Variants in MAN1A1 observed in about 807,000 individuals in gnomAD.
MAN1A1 encodes mannosyl-oligosaccharide 1,2-alpha-mannosidase IA.
In MAN1A1, 29 loss-of-function variants were observed where a neutral mutation model predicts 70.8. That is an observed-to-expected ratio of 0.41 (90% CI 0.31 to 0.56). The LOEUF is 0.56. Among genes scored for constraint, MAN1A1 ranks in the 20% least tolerant of loss-of-function variants. The probability of loss-of-function intolerance (pLI) is 0.29; values close to 1 mark genes in which losing one functional copy is unlikely to be tolerated. For synonymous variants in MAN1A1, 349 were observed against 330.1 expected (o/e 1.06, Z -0.62); for missense variants, 747 against 841.3 (o/e 0.89, Z 1.39).
chr6:119,221,326 A>AT (rs1774353464), intron 6 of MAN1A1, among the ~76,000 whole-genome samples: 1 of 152,144 alleles, frequency 6.6e-6, no homozygotes. Context: ...AACCACTGTT[A>AT]CTTGTTTCTT....
At chr6:119,303,934 T>G (rs1358364247) in intron 3 of MAN1A1, among the ~76,000 whole-genome samples, 2 of 152,216 alleles carry the variant, frequency 1.3e-5, no homozygotes, top group African/African-American at 2.4e-5. Flanking sequence ...TCATTTTCCT[T>G]TCACTGAACT....
At chr6:119,313,935 T>TAA (rs371581760) in intron 2 of MAN1A1, among the ~76,000 whole-genome samples, 1 of 133,856 alleles carries the variant, frequency 7.5e-6, no homozygotes, top group African/African-American at 2.8e-5. Context: ...TAAAGCTATT[T>TAA]AAAAAAAAAA....
At chr6:119,288,537 C>T (rs1327053531) in intron 5 of MAN1A1, among the ~76,000 whole-genome samples, 1 of 151,912 alleles carries the variant, frequency 6.6e-6, no homozygotes, top group Non-Finnish European at 1.5e-5. Flanking sequence ...GATCACATTC[C>T]TAATGGCCAA....
chr6:119,277,267 C>T (rs1054305872), intron 5 of MAN1A1, among the ~76,000 whole-genome samples: 2 of 151,898 alleles, frequency 1.3e-5, no homozygotes, highest in Non-Finnish European at 2.9e-5. Context: ...GAAGTGACTT[C>T]GTTATTATTA....
In MAN1A1 at chr6:119,248,247, T is replaced by C; in HGVS notation, c.992+13A>G. On this transcript the variant is annotated intron_variant, in intron 6 of 12. Transcript: ENST00000368468. ...TCACCTTAAAACATGTTGTTGAAAA[T>C]GAAGAGTTTTACCTTTTCATATTCA... The C allele has an allele frequency of 4.5e-6, 7 of 1,540,582 alleles. No individual in the cohort carries two copies. Among genetic ancestry groups the C allele is most frequent in the Non-Finnish European group, 5.4e-6 (6 of 1,114,734 alleles).
At chr6:119,263,280 G>A (rs1398663113) in intron 5 of MAN1A1, among the ~76,000 whole-genome samples, 1 of 151,732 alleles carries the variant, frequency 6.6e-6, no homozygotes, top group African/African-American at 2.4e-5. Context: ...ATACTTACAG[G>A]ATATATGTAG....
chr6:119,241,948 ATGTGTGTG>A (rs879398838), intron 6 of MAN1A1, among the ~76,000 whole-genome samples: 1 of 26,328 alleles, frequency 3.8e-5, no homozygotes, highest in Non-Finnish European at 1.4e-4. Flanking sequence ...GTGTGTATGT[ATGTGTGTG>A]TGTGTGTGTG....
At chr6:119,287,045 A>G (rs1265837166) in intron 5 of MAN1A1, among the ~76,000 whole-genome samples, 1 of 152,114 alleles carries the variant, frequency 6.6e-6, no homozygotes, top group African/African-American at 2.4e-5. Flanking sequence ...AACTTTGAGG[A>G]AGACTTCTAG....
chr6:119,235,405 A>C (rs1774814300), intron 6 of MAN1A1, among the ~76,000 whole-genome samples: 2 of 152,216 alleles, frequency 1.3e-5, no homozygotes, highest in Admixed American at 6.5e-5. Context: ...TGGACAGAAG[A>C]TCACACCAAC....
At chr6:119,181,204 T>C (rs538275443) in intron 11 of MAN1A1, among the ~76,000 whole-genome samples, 5 of 152,280 alleles carry the variant, frequency 3.3e-5, no homozygotes, top group South Asian at 4.1e-4. Context: ...AAGCCTGATA[T>C]TGTCTGGCCC....
At chr6:119,259,530 T>C (rs1775550119) in intron 5 of MAN1A1, among the ~76,000 whole-genome samples, 1 of 152,244 alleles carries the variant, frequency 6.6e-6, no homozygotes, top group Non-Finnish European at 1.5e-5. Flanking sequence ...AGTACACACC[T>C]AATACCATTA....
chr6:119,262,644 G>T (rs2114356552), intron 5 of MAN1A1, among the ~76,000 whole-genome samples: 1 of 152,218 alleles, frequency 6.6e-6, no homozygotes, highest in South Asian at 2.1e-4. Flanking sequence ...ATACCCAAAG[G>T]AATATAAATT....
intron 5 of MAN1A1, among the ~76,000 whole-genome samples, chr6:119,285,568 A>G (rs1776347000): frequency 6.6e-6 from 1 of 150,930 alleles, no homozygotes; most frequent in African/African-American, 2.4e-5. Flanking sequence ...GGATTAACAT[A>G]TATTTTTATT....
chr6:119,339,804 T>C (rs528997053), intron 2 of MAN1A1, among the ~76,000 whole-genome samples: 1 of 152,294 alleles, frequency 6.6e-6, no homozygotes, highest in African/African-American at 2.4e-5. Flanking sequence ...TAAGAATCAA[T>C]AAATGGACAC....
intron 4 of MAN1A1, among the ~76,000 whole-genome samples, chr6:119,297,164 G>C (rs927957175): frequency 2.0e-5 from 3 of 152,140 alleles, no homozygotes; most frequent in Non-Finnish European, 2.9e-5. Context: ...TTATGCAACT[G>C]ATCTTCCTGT....
chr6:119,194,180 C>T (rs1582684743), intron 8 of MAN1A1, among the ~76,000 whole-genome samples: 2 of 152,118 alleles, frequency 1.3e-5, no homozygotes, highest in Admixed American at 6.5e-5. Flanking sequence ...GTGAAAAACA[C>T]CCAACTAAAA....
chr6:119,207,589 G>A (rs1773906314), intron 6 of MAN1A1, among the ~76,000 whole-genome samples: 1 of 152,182 alleles, frequency 6.6e-6, no homozygotes, highest in African/African-American at 2.4e-5. Context: ...CTCCTGTCTT[G>A]CATAGCAAGC....
chr6:119,194,811 C>T (rs1173587285), intron 8 of MAN1A1, among the ~76,000 whole-genome samples: 1 of 68,012 alleles, frequency 1.5e-5, no homozygotes, highest in Non-Finnish European at 4.8e-5. Context: ...AATCTCACAA[C>T]TGTAGGATAG....
chr6:119,183,879 C>T (rs1351600018), intron 11 of MAN1A1, among the ~76,000 whole-genome samples: 2 of 152,062 alleles, frequency 1.3e-5, no homozygotes, highest in East Asian at 1.9e-4. Context: ...GCAGCATCTT[C>T]CTTCTCAACA....
Sources: gnomAD v4.1 joint callset for allele counts (sites outside exome capture counted in the v4.1 genomes callset) on GRCh38, gnomAD v4.1.1 for gene constraint, MANE v1.5 for transcripts, NCBI Gene and HGNC (gene_info 2026-07-23, HGNC 2026-07-21) for gene names.